The following MNAT1 variants were observed in gnomAD, a reference collection of about 807,000 sequenced individuals.
The protein encoded by MNAT1 is CDK-activating kinase assembly factor MAT1.
In MNAT1, 43 loss-of-function variants were observed where a neutral mutation model predicts 42.0. The ratio of observed to expected loss-of-function variants is 1.02; its 90% CI spans 0.80 to 1.32. MNAT1 has a LOEUF of 1.32. MNAT1 is among the 40% of genes most tolerant of loss of function. The pLI is 0.00. For missense variants in MNAT1, 306 were observed against 350.4 expected (o/e 0.87, Z 1.01); for synonymous variants, 118 against 120.0 (o/e 0.98, Z 0.11).
At chr14:60,933,286 T>C (rs997921567) in intron 7 of MNAT1, among the ~76,000 whole-genome samples, 2 of 152,234 alleles carry the variant, frequency 1.3e-5, no homozygotes. Context: ...ATTAGGCATA[T>C]CGACACAATG....
chr14:60,799,699 A>G (rs570124669), intron 3 of MNAT1, among the ~76,000 whole-genome samples: 1 of 147,912 alleles, frequency 6.8e-6, no homozygotes, highest in African/African-American at 2.5e-5. Context: ...TGATTAAAAA[A>G]ATATATATAT....
At chr14:60,821,290 G>A (rs1014314617) in intron 6 of MNAT1, among the ~76,000 whole-genome samples, 4 of 152,084 alleles carry the variant, frequency 2.6e-5, no homozygotes, top group Admixed American at 2.6e-4. Flanking sequence ...CCCATGTTAT[G>A]CTTTTTAACC....
intron 1 of MNAT1, among the ~76,000 whole-genome samples, chr14:60,756,838 C>T (rs941068327): frequency 6.6e-6 from 1 of 151,994 alleles, no homozygotes; most frequent in East Asian, 1.9e-4. Flanking sequence ...AATGCCCTTG[C>T]GTTTTTTTGG....
intron 7 of MNAT1, among the ~76,000 whole-genome samples, chr14:60,958,205 A>G (rs2036520164): frequency 1.3e-5 from 2 of 152,210 alleles, no homozygotes; most frequent in Admixed American, 6.5e-5. Flanking sequence ...CATTTCTTGT[A>G]ACACAAGTCT....
At chr14:60,881,747 A>G (rs1216079323) in intron 7 of MNAT1, among the ~76,000 whole-genome samples, 1 of 152,172 alleles carries the variant, frequency 6.6e-6, no homozygotes, top group Non-Finnish European at 1.5e-5. Flanking sequence ...GGTAGATGGT[A>G]TATCCATTAC....
In MNAT1 at chr14:60,968,325, T is replaced by C. The variant is rs370014148; in HGVS notation, c.906T>C (p.Ser302=). 1.2e-6 allele frequency: 2 copies of C among 1,612,496 alleles called. No individual in the cohort carries two copies. Among genetic ancestry groups the C allele is most frequent in the East Asian group, 4.5e-5 (2 of 44,866 alleles). ...ACAGAGCACTACAGGATGCATTCAG[T>C]GGGCTTTTCTGGCAGCCCAGTTAAC... ...ACHRALQDAF[S]GLFWQPS is the part of the protein sequence containing the mutation. The change falls in exon 8 of 8, where the codon AGT becomes AGC. Residue 302 remains serine, a synonymous_variant. Transcript: ENST00000261245.
intron 7 of MNAT1, chr14:60,919,983 AG>A (rs2035618261): frequency 6.5e-6 from 1 of 154,126 alleles, no homozygotes; most frequent in African/African-American, 2.4e-5. Context: ...ATGTTGCCAT[AG>A]GTCTTACTGC....
chr14:60,737,428 A>G (rs1003911807), intron 1 of MNAT1, among the ~76,000 whole-genome samples: 1 of 151,896 alleles, frequency 6.6e-6, no homozygotes, highest in Non-Finnish European at 1.5e-5. Flanking sequence ...TGCTTTTTTC[A>G]TTATGTATAT....
chr14:60,754,877 A>G (rs2140295811), intron 1 of MNAT1, among the ~76,000 whole-genome samples: 1 of 152,360 alleles, frequency 6.6e-6, no homozygotes, highest in East Asian at 1.9e-4. Context: ...ATTACATTCT[A>G]TAACGCATGA....
At chr14:60,850,651 A>G (rs1445876180) in intron 6 of MNAT1, among the ~76,000 whole-genome samples, 1 of 152,218 alleles carries the variant, frequency 6.6e-6, no homozygotes, top group Non-Finnish European at 1.5e-5. Context: ...TTGTGAGAAT[A>G]AGATAATATA....
chr14:60,896,938 CAGATAA>C (rs746331093), intron 7 of MNAT1, among the ~76,000 whole-genome samples: 44 of 152,068 alleles, frequency 2.9e-4, no homozygotes, highest in Admixed American at 9.2e-4. Context: ...TGTACTCCAG[CAGATAA>C]AGATAATGTA....
intron 7 of MNAT1, among the ~76,000 whole-genome samples, chr14:60,943,702 C>T (rs1010396753): frequency 1.3e-5 from 2 of 151,930 alleles, no homozygotes; most frequent in Non-Finnish European, 2.9e-5. Flanking sequence ...CTCCATGTTG[C>T]TGGTTGCTAG....
At chr14:60,757,169 A>T (rs1174803744) in intron 1 of MNAT1, among the ~76,000 whole-genome samples, 1 of 152,160 alleles carries the variant, frequency 6.6e-6, no homozygotes, top group Admixed American at 6.5e-5. Flanking sequence ...TCCTGTTTAA[A>T]ACTAACGGTG....
intron 6 of MNAT1, among the ~76,000 whole-genome samples, chr14:60,864,926 A>G (rs923030271): frequency 1.3e-5 from 2 of 152,074 alleles, no homozygotes; most frequent in Non-Finnish European, 1.5e-5. Flanking sequence ...CTTATTTTCT[A>G]CAATGGGAAT....
At chr14:60,743,052 G>A (rs1468119678) in intron 1 of MNAT1, among the ~76,000 whole-genome samples, 1 of 152,152 alleles carries the variant, frequency 6.6e-6, no homozygotes, top group Non-Finnish European at 1.5e-5. Context: ...TCTTTGTTTA[G>A]TTTGTTTTCC....
At position 60,758,204 on chromosome 14, in the gene MNAT1, C is replaced by CT. The variant is rs879685773; in HGVS notation, c.89+23267dup. ...TATGTCTTCCTTATCTCTACTTGGACTTTTTTTTTTTTTTCTTTTTGAGGT... is the reference window on the plus strand; with the variant it reads ...TATGTCTTCCTTATCTCTACTTGGACTTTTTTTTTTTTTTTCTTTTTGAGGT... On this transcript the variant is annotated intron_variant, in intron 1 of 7. Coordinates refer to ENST00000261245, the MANE Select transcript of MNAT1 (RefSeq NM_002431.4). 8.2e-3 allele frequency among the ~76,000 whole-genome samples: 1,166 copies of CT among 142,924 alleles called. 9 individuals are homozygous for CT. Among genetic ancestry groups the CT allele is most frequent in the Middle Eastern group, 0.029 (8 of 278 alleles). 93.8% of individuals were successfully genotyped at this position (142,924 alleles called of 152,430 possible). A position where few individuals can be genotyped will look rare whatever the true frequency, so the allele number is the denominator to read the frequency against.
intron 7 of MNAT1, among the ~76,000 whole-genome samples, chr14:60,931,742 T>C (rs951986909): frequency 1.3e-5 from 2 of 152,194 alleles, no homozygotes; most frequent in African/African-American, 4.8e-5. Context: ...AATGCATATA[T>C]ATATATGTGT....
chr14:60,772,377 G>A (rs1422264675), intron 1 of MNAT1, among the ~76,000 whole-genome samples: 1 of 152,192 alleles, frequency 6.6e-6, no homozygotes, highest in Admixed American at 6.5e-5. Context: ...CTGAGGTCAG[G>A]AGTTTGAGAC....
At chr14:60,916,167 C>T (rs1426174481) in intron 7 of MNAT1, among the ~76,000 whole-genome samples, 4 of 152,218 alleles carry the variant, frequency 2.6e-5, no homozygotes, top group South Asian at 2.1e-4. Context: ...GAGCTTGCTA[C>T]TGTTGTTGCT....
Sources: allele counts gnomAD v4.1 joint callset (sites outside exome capture counted in the v4.1 genomes callset), GRCh38; gene constraint gnomAD v4.1.1; transcripts MANE v1.5; gene names NCBI Gene and HGNC (gene_info 2026-07-23, HGNC 2026-07-21).